The following RERE variants were observed in gnomAD, a reference collection of about 807,000 sequenced individuals.
RERE encodes arginine-glutamic acid dipeptide repeats protein.
A neutral mutation model predicts 146.1 loss-of-function variants in RERE; 40 were observed. The ratio of observed to expected loss-of-function variants is 0.27; its 90% CI spans 0.21 to 0.36. RERE has a LOEUF of 0.36. RERE is among the 10% of genes least tolerant of loss of function. The probability of loss-of-function intolerance (pLI) is 1.00; values close to 1 mark genes in which losing one functional copy is unlikely to be tolerated. For missense variants in RERE, 1,933 were observed against 2,138.7 expected, an observed-to-expected ratio of 0.90 and a Z score of 1.90; for synonymous variants, 1,003 against 866.0, an observed-to-expected ratio of 1.16 and a Z score of -2.78.
intron 1 of RERE, among the ~76,000 whole-genome samples, chr1:8,692,290 C>T (rs1236165577): frequency 1.3e-5 from 2 of 152,032 alleles, no homozygotes; most frequent in East Asian, 1.9e-4. Context: ...TCCAGACACT[C>T]GTATATAAAA....
chr1:8,574,214 C>T (rs572355562), intron 4 of RERE, among the ~76,000 whole-genome samples: 14 of 152,252 alleles, frequency 9.2e-5, no homozygotes, highest in Admixed American at 7.8e-4. Flanking sequence ...TCCTTCTACA[C>T]ATCTGTGTAT....
intron 19 of RERE, 110 bp from the exon 20 acceptor site, chr1:8,359,026 A>G: frequency 7.4e-7 from 1 of 1,349,318 alleles, no homozygotes; most frequent in Non-Finnish European, 9.7e-7. Context: ...CTGACAGGCC[A>G]ACCTGGTCCC....
intron 11 of RERE, among the ~76,000 whole-genome samples, chr1:8,447,615 T>TCACC (rs1302381887): frequency 6.6e-6 from 1 of 152,208 alleles, no homozygotes; most frequent in African/African-American, 2.4e-5. Flanking sequence ...TGCCTGGGTA[T>TCACC]CACCAGCAGA....
At chr1:8,749,336 G>C (rs1640484209) in intron 1 of RERE, among the ~76,000 whole-genome samples, 1 of 151,752 alleles carries the variant, frequency 6.6e-6, no homozygotes, top group African/African-American at 2.4e-5. Flanking sequence ...CTGCCACTGG[G>C]AATTTAATTG....
At chr1:8,644,250 A>G (rs1348059678) in intron 2 of RERE, among the ~76,000 whole-genome samples, 2 of 152,180 alleles carry the variant, frequency 1.3e-5, no homozygotes, top group Non-Finnish European at 2.9e-5. Flanking sequence ...TTCAAGGTAG[A>G]CATACTATAT....
chr1:8,474,103 A>G (rs1270885565), intron 10 of RERE, among the ~76,000 whole-genome samples: 1 of 152,230 alleles, frequency 6.6e-6, no homozygotes, highest in Non-Finnish European at 1.5e-5. Flanking sequence ...CTTACTTTCT[A>G]TAATTTAATA....
At chr1:8,591,046 C>T (rs1232356255) in intron 4 of RERE, among the ~76,000 whole-genome samples, 1 of 152,118 alleles carries the variant, frequency 6.6e-6, no homozygotes, top group African/African-American at 2.4e-5. Context: ...CACAAGCTTC[C>T]CAAATGTGTG....
At chr1:8,384,175 G>A (rs1332697473) in intron 12 of RERE, among the ~76,000 whole-genome samples, 2 of 152,188 alleles carry the variant, frequency 1.3e-5, no homozygotes, top group African/African-American at 2.4e-5. Context: ...GGGTCTTACT[G>A]TTTATTCCAC....
At position 8,361,040 on chromosome 1, in the gene RERE, G is replaced by T. The variant is rs1423757623; in HGVS notation, c.2467C>A (p.His823Asn). The change falls in exon 18 of 23, where the codon CAT becomes AAT. Residue 823 changes from histidine (H) to asparagine (N), a missense_variant. His to Asn is a moderately conservative substitution (Grantham distance 68). Transcript: ENST00000400908. ...CCAGTCAGAGGCTGCAGCGGGGGAT[G>T]TGGCGAGGGATGCGGCGGGGGATGC... is the stretch of plus-strand genomic sequence containing the variant. ...SPHPPPHPSP[H>N]PPLQPLTGSA... is the part of the protein sequence containing the mutation. 6 of 1,438,744 alleles carry T rather than the reference G, an allele frequency of 4.2e-6. No homozygotes were observed. The highest frequency in any genetic ancestry group is 5.4e-6 in the Non-Finnish European group (6 of 1,101,808). The allele number at this position is 1,438,744 out of a possible 1,614,324, so 89.1% of individuals were successfully genotyped here. A position where few individuals can be genotyped will look rare whatever the true frequency, so the allele number is the denominator to read the frequency against.
At chr1:8,716,639 C>T (rs1639770596) in intron 1 of RERE, among the ~76,000 whole-genome samples, 2 of 151,840 alleles carry the variant, frequency 1.3e-5, no homozygotes, top group African/African-American at 4.8e-5. Context: ...AGTACACCAC[C>T]ACTTGATTAA....
At chr1:8,463,593 C>G (rs1343065899) in intron 11 of RERE, among the ~76,000 whole-genome samples, 4 of 152,100 alleles carry the variant, frequency 2.6e-5, no homozygotes, top group African/African-American at 9.7e-5. Context: ...AGGACTTTGG[C>G]TGTGTATTTT....
At chr1:8,435,399 G>A (rs893238960) in intron 11 of RERE, among the ~76,000 whole-genome samples, 1 of 152,178 alleles carries the variant, frequency 6.6e-6, no homozygotes, top group African/African-American at 2.4e-5. Context: ...GGAGATGATT[G>A]GGCTTAGTGT....
intron 12 of RERE, chr1:8,380,662 T>TA (rs1393898914): frequency 2.8e-6 from 1 of 362,318 alleles, no homozygotes; most frequent in Admixed American, 3.7e-5. Flanking sequence ...AGAGCTTTTT[T>TA]AAAAGCTTGA....
At chr1:8,695,922 G>A (rs1639319987) in intron 1 of RERE, among the ~76,000 whole-genome samples, 1 of 151,976 alleles carries the variant, frequency 6.6e-6, no homozygotes, top group Admixed American at 6.6e-5. Flanking sequence ...TAAGCAAAAG[G>A]CATTAACAGA....
intron 1 of RERE, among the ~76,000 whole-genome samples, chr1:8,702,136 A>G (rs1639466109): frequency 6.6e-6 from 1 of 152,124 alleles, no homozygotes; most frequent in Admixed American, 6.5e-5. Context: ...GACTTTGTTA[A>G]ATCTGTTCTC....
At chr1:8,447,076 C>T (rs1233695311) in intron 11 of RERE, among the ~76,000 whole-genome samples, 1 of 151,160 alleles carries the variant, frequency 6.6e-6, no homozygotes, top group Admixed American at 6.6e-5. Flanking sequence ...TCTGCTTGAT[C>T]AATTCGGCTA....
intron 11 of RERE, among the ~76,000 whole-genome samples, chr1:8,445,534 G>A (rs1049156838): frequency 2.0e-5 from 3 of 152,088 alleles, no homozygotes; most frequent in Admixed American, 6.5e-5. Context: ...ATCTACACAT[G>A]TAGATGGGCC....
intron 1 of RERE, among the ~76,000 whole-genome samples, chr1:8,671,730 T>C (rs1366060061): frequency 6.6e-6 from 1 of 152,200 alleles, no homozygotes; most frequent in African/African-American, 2.4e-5. Context: ...ACTAATTATA[T>C]GAATTTAAAA....
At chr1:8,534,864 C>T (rs1433203049) in intron 7 of RERE, among the ~76,000 whole-genome samples, 1 of 152,198 alleles carries the variant, frequency 6.6e-6, no homozygotes, top group Non-Finnish European at 1.5e-5. Flanking sequence ...GAATTGTATA[C>T]TGACAGGATA....
Sources: allele counts gnomAD v4.1 joint callset (sites outside exome capture counted in the v4.1 genomes callset), GRCh38; gene constraint gnomAD v4.1.1; transcripts MANE v1.5; gene names NCBI Gene and HGNC (gene_info 2026-07-23, HGNC 2026-07-21).